Variants in CYP4F22 observed in about 807,000 individuals in gnomAD.
CYP4F22 encodes the protein cytochrome P450 family 4 subfamily F member 22.
CYP4F22 carries 37 observed loss-of-function variants against 60.4 expected under a neutral mutation model. The observed-to-expected ratio is 0.61, with a 90% CI of 0.47 to 0.81. The LOEUF is 0.81. Ranked by LOEUF, CYP4F22 falls within the 30% of genes least tolerant of loss-of-function variation. CYP4F22 has a pLI of 0.00. For synonymous variants in CYP4F22, 258 were observed against 280.5 expected (o/e 0.92, Z 0.80); for missense variants, 655 against 715.0 (o/e 0.92, Z 0.96).
intron 4 of CYP4F22, among the ~76,000 whole-genome samples, chr19:15,533,442 A>G (rs1971364082): frequency 6.6e-6 from 1 of 152,116 alleles, no homozygotes; most frequent in African/African-American, 2.4e-5. Context: ...GGTAACCTCG[A>G]ATCTGCTTTC....
At position 15,551,642 on chromosome 19, in the gene CYP4F22, A is replaced by C. The variant is rs549916903; in HGVS notation, c.*171A>C. 1.5e-4 allele frequency: 125 copies of C among 852,938 alleles called. No individual in the cohort carries two copies. In the African/African-American group the frequency reaches 1.9e-3, roughly 13 times the overall value. 52.8% of individuals were successfully genotyped at this position (852,938 alleles called of 1,614,324 possible). On this transcript the variant is annotated 3_prime_UTR_variant, in exon 14 of 14. Transcript: ENST00000269703. ...CTGGTGGTACTGGCCACGCCCCTCAAGGCAAGGCTCCTCCCCTTAGGGGGC... is the reference window on the plus strand; with the variant it reads ...CTGGTGGTACTGGCCACGCCCCTCACGGCAAGGCTCCTCCCCTTAGGGGGC...
intron 1 of CYP4F22, among the ~76,000 whole-genome samples, chr19:15,519,528 G>T (rs1356733567): frequency 1.3e-5 from 2 of 152,178 alleles, no homozygotes; most frequent in Non-Finnish European, 2.9e-5. Context: ...CTTCCAAAGT[G>T]CTGGGATTAC....
chr19:15,528,688 T>C (rs899756658), intron 3 of CYP4F22, among the ~76,000 whole-genome samples: 2 of 152,230 alleles, frequency 1.3e-5, no homozygotes, highest in African/African-American at 4.8e-5. Flanking sequence ...AACAGTCACC[T>C]ACTTAACTTG....
chr19:15,509,451 C>T (rs953983379), intron 1 of CYP4F22, among the ~76,000 whole-genome samples: 4 of 152,064 alleles, frequency 2.6e-5, no homozygotes, highest in African/African-American at 9.7e-5. Flanking sequence ...CTACCCTGTG[C>T]CCCTTGCTCC....
chr19:15,511,475 A>G (rs1363832747), intron 1 of CYP4F22, among the ~76,000 whole-genome samples: 1 of 151,790 alleles, frequency 6.6e-6, no homozygotes, highest in Non-Finnish European at 1.5e-5. Context: ...AAAACAAACA[A>G]ACAACAACAA....
intron 10 of CYP4F22, among the ~76,000 whole-genome samples, chr19:15,545,801 T>C (rs1439113534): frequency 1.3e-5 from 2 of 151,860 alleles, no homozygotes; most frequent in African/African-American, 2.4e-5. Flanking sequence ...ACATGCTCAG[T>C]GGGGTGCTAC....
intron 1 of CYP4F22, among the ~76,000 whole-genome samples, chr19:15,510,392 A>G (rs1229800081): frequency 6.6e-6 from 1 of 152,198 alleles, no homozygotes; most frequent in East Asian, 1.9e-4. Context: ...ATCATTGATC[A>G]AAGGCTTACT....
At chr19:15,528,974 T>C (rs1287415965) in intron 3 of CYP4F22, among the ~76,000 whole-genome samples, 1 of 152,084 alleles carries the variant, frequency 6.6e-6, no homozygotes, top group Non-Finnish European at 1.5e-5. Context: ...GACAGGGTCT[T>C]GCTCTGTCAC....
At position 15,533,187 on chromosome 19, in the gene CYP4F22, A is replaced by G. The variant is rs10412543; in HGVS notation, c.367+3334A>G. Among the ~76,000 whole-genome samples, 717 of 152,334 alleles carry G rather than the reference A, an allele frequency of 4.7e-3. 5 individuals carry two copies. Among genetic ancestry groups the G allele is most frequent in the African/African-American group, 0.016 (684 of 41,574 alleles). ...GAGAAAGTAGATAAACATGCTTTAT[A>G]GAGAACATGATGATATATAGACATA... is the stretch of plus-strand genomic sequence containing the variant. On this transcript the variant is annotated intron_variant, in intron 4 of 13. Coordinates refer to ENST00000269703, the MANE Select transcript of CYP4F22 (RefSeq NM_173483.4).
chr19:15,534,202 AG>A (rs1457016203), intron 4 of CYP4F22, among the ~76,000 whole-genome samples: 1 of 152,264 alleles, frequency 6.6e-6, no homozygotes, highest in Non-Finnish European at 1.5e-5. Context: ...ACCATGTGCC[AG>A]GAACACAAGA....
intron 3 of CYP4F22, 57 bp downstream of exon 3, chr19:15,525,615 G>A: frequency 6.5e-7 from 1 of 1,529,378 alleles, no homozygotes; most frequent in Non-Finnish European, 8.9e-7. Flanking sequence ...CAGGGTAATA[G>A]GTAGGGATGG....
chr19:15,526,068 G>A (rs955567899), intron 3 of CYP4F22, among the ~76,000 whole-genome samples: 17 of 152,136 alleles, frequency 1.1e-4, no homozygotes, highest in Admixed American at 2.0e-4. Context: ...GGGAGGCTGA[G>A]GCGCGAGGAT....
chr19:15,514,407 G>A (rs1971130063), intron 1 of CYP4F22, among the ~76,000 whole-genome samples: 1 of 152,160 alleles, frequency 6.6e-6, no homozygotes, highest in Non-Finnish European at 1.5e-5. Context: ...ATATAGTGTC[G>A]TCGGGCACGG....
chr19:15,510,966 A>ATTTTTTTTTTT (rs1555726127), intron 1 of CYP4F22, among the ~76,000 whole-genome samples: 11 of 103,302 alleles, frequency 1.1e-4, no homozygotes, highest in African/African-American at 4.6e-4. Context: ...ATATATATAT[A>ATTTTTTTTTTT]TTTTTTTTTT....
intron 1 of CYP4F22, among the ~76,000 whole-genome samples, chr19:15,522,777 C>T (rs1289323388): frequency 1.3e-5 from 2 of 152,150 alleles, no homozygotes; most frequent in African/African-American, 4.8e-5. Flanking sequence ...GTGGCACGAT[C>T]TCAGCTCACT....
Position 15,551,679 on chromosome 19 carries a change from C to T in CYP4F22, c.*208C>T. The T allele has an allele frequency of 1.5e-6, 1 of 650,290 alleles. No individual in the cohort carries two copies. The highest frequency in any genetic ancestry group is 2.6e-6 in the Non-Finnish European group (1 of 383,460). The allele number at this position is 650,290 out of a possible 1,614,324, so 40.3% of individuals were successfully genotyped here. A position where few individuals can be genotyped will look rare whatever the true frequency, so the allele number is the denominator to read the frequency against. ...TCCCCTTAGGGGGCCTGATCCCGCC[C>T]CTTGAGGCTTAGGTCCCGCCCCCTG... On this transcript the variant is annotated 3_prime_UTR_variant, in exon 14 of 14. Transcript: ENST00000269703.
chr19:15,525,223 T>A (rs1437462927), intron 2 of CYP4F22, 113 bp from the exon 3 acceptor site: 2 of 983,340 alleles, frequency 2.0e-6, no homozygotes, highest in African/African-American at 3.2e-5. Context: ...GTATCCTTGG[T>A]GTCTGGAACT....
At chr19:15,551,163 C>T in intron 13 of CYP4F22, 131 bp from the exon 14 acceptor site, 1 of 1,207,816 alleles carries the variant, frequency 8.3e-7, no homozygotes, top group South Asian at 1.3e-5. Context: ...TAACCCTCAC[C>T]CAGCGTGGGG....
rs143346937 is a variant in CYP4F22 at position 15,525,506 on chromosome 19, G to C, written c.170G>C (p.Arg57Pro). The C allele has an allele frequency of 6.2e-7, 1 of 1,612,882 alleles. No individual in the cohort carries two copies. Among genetic ancestry groups the C allele is most frequent in the Non-Finnish European group, 8.5e-7 (1 of 1,179,910 alleles). The stretch of plus-strand genomic sequence containing the variant: ...TTCTACATCACCTGCCGCCGGCTGC[G>C]CTGCTTCCCCCAGCCTCCCCGGCGC... ...RSFYITCRRL[R>P]CFPQPPRRNW... Residue 57 changes from arginine to proline, a missense_variant, in exon 3 of 14, where the codon CGC (arginine) becomes CCC (proline). Physicochemically the swap from Arg to Pro is moderately radical, Grantham distance 103. This residue lies in a region of CYP4F22 where 430 missense variants were observed against 457.1 expected (regional missense o/e 0.94). Transcript: ENST00000269703.
Sources: allele counts gnomAD v4.1 joint callset (sites outside exome capture counted in the v4.1 genomes callset), GRCh38; gene constraint gnomAD v4.1.1; regional missense constraint gnomAD v4.1.1; transcripts MANE v1.5; gene names NCBI Gene and HGNC (gene_info 2026-07-23, HGNC 2026-07-21).